CSMD1: variants seen among roughly 807,000 people sequenced by gnomAD.
CSMD1 encodes CUB and sushi domain-containing protein 1.
CSMD1 carries 213 observed loss-of-function variants against 417.5 expected under a neutral mutation model. The observed-to-expected ratio is 0.51, with a 90% CI of 0.46 to 0.57. The LOEUF is 0.57. CSMD1 is among the 20% of genes least tolerant of loss of function. CSMD1 has a pLI of 0.00. For missense variants in CSMD1, 6,923 were observed against 4,529.7 expected, an observed-to-expected ratio of 1.53 and a Z score of -15.17; for synonymous variants, 2,862 against 1,736.8, an observed-to-expected ratio of 1.65 and a Z score of -16.11.
At chr8:3,383,196 G>A (rs1810750308) in intron 18 of CSMD1, among the ~76,000 whole-genome samples, 1 of 152,178 alleles carries the variant, frequency 6.6e-6, no homozygotes, top group African/African-American at 2.4e-5. Flanking sequence ...TATAGATCAT[G>A]GTGATGCTTT....
At chr8:3,106,916 T>C (rs1220575683) in intron 45 of CSMD1, 2 of 302,554 alleles carry the variant, frequency 6.6e-6, no homozygotes, top group African/African-American at 2.2e-5. Flanking sequence ...CCTTCCCCAG[T>C]GATTGCTGAC....
intron 2 of CSMD1, among the ~76,000 whole-genome samples, chr8:4,464,376 G>A (rs1053432512): frequency 1.3e-5 from 2 of 152,186 alleles, no homozygotes; most frequent in East Asian, 1.9e-4. Flanking sequence ...TGATGAAAAT[G>A]CATTTAATAT....
intron 3 of CSMD1, among the ~76,000 whole-genome samples, chr8:4,108,925 T>A (rs1306332870): frequency 6.6e-6 from 1 of 152,152 alleles, no homozygotes; most frequent in Non-Finnish European, 1.5e-5. Flanking sequence ...TGACAAAAAA[T>A]TCCATCGCCT....
chr8:3,631,300 G>A (rs1027203502), intron 7 of CSMD1, among the ~76,000 whole-genome samples: 7 of 152,106 alleles, frequency 4.6e-5, no homozygotes, highest in Non-Finnish European at 1.0e-4. Context: ...TGGTAGCAGC[G>A]GATTTTCTGT....
chr8:4,743,675 G>C (rs1457465507), intron 1 of CSMD1, among the ~76,000 whole-genome samples: 1 of 152,160 alleles, frequency 6.6e-6, no homozygotes, highest in African/African-American at 2.4e-5. Context: ...TAGTTAATTT[G>C]AGTCAAAGCT....
intron 3 of CSMD1, among the ~76,000 whole-genome samples, chr8:4,187,545 C>G (rs1700090): frequency 0.98 from 149,497 of 152,142 alleles, 73,503 homozygotes; most frequent in Middle Eastern, 1. Flanking sequence ...TTGGGAGACT[C>G]AGGTAGGAGA....
chr8:3,082,372 C>T (rs536698475), intron 49 of CSMD1, among the ~76,000 whole-genome samples: 131 of 152,302 alleles, frequency 8.6e-4, no homozygotes, highest in African/African-American at 3.1e-3. Flanking sequence ...GCTGCTCCTG[C>T]CAGCTTCTCC....
At chr8:4,568,036 T>G (rs1212404862) in intron 2 of CSMD1, among the ~76,000 whole-genome samples, 1 of 152,208 alleles carries the variant, frequency 6.6e-6, no homozygotes, top group East Asian at 1.9e-4. Flanking sequence ...AAAATGTGCT[T>G]ATTGCATGTG....
chr8:3,421,852 G>C (rs1813507579), intron 12 of CSMD1, among the ~76,000 whole-genome samples: 1 of 152,176 alleles, frequency 6.6e-6, no homozygotes, highest in Non-Finnish European at 1.5e-5. Context: ...TGGTCAATCT[G>C]GTTTCTAACT....
intron 3 of CSMD1, among the ~76,000 whole-genome samples, chr8:4,138,399 C>T (rs73176382): frequency 0.3 from 44,784 of 151,362 alleles, 8,083 homozygotes; most frequent in Non-Finnish European, 0.39. Context: ...TGCCTCCTTA[C>T]GTCCAGTTCT....
chr8:3,692,629 C>T (rs1390758022), intron 7 of CSMD1, among the ~76,000 whole-genome samples: 2 of 152,030 alleles, frequency 1.3e-5, no homozygotes, highest in Non-Finnish European at 2.9e-5. Flanking sequence ...GGTGGGGTTT[C>T]ACCATGTTGG....
At chr8:3,332,315 T>C (rs1055206607) in intron 23 of CSMD1, among the ~76,000 whole-genome samples, 1 of 152,368 alleles carries the variant, frequency 6.6e-6, no homozygotes. Context: ...TGTAAGCTTT[T>C]CCTAGCAGAG....
chr8:4,281,675 C>A (rs577122741), intron 3 of CSMD1, among the ~76,000 whole-genome samples: 1 of 152,062 alleles, frequency 6.6e-6, no homozygotes, highest in Admixed American at 6.6e-5. Flanking sequence ...ATAGTAACAT[C>A]TGTATGTGAT....
At chr8:3,098,117 C>G (rs567980194) in intron 46 of CSMD1, among the ~76,000 whole-genome samples, 1 of 152,188 alleles carries the variant, frequency 6.6e-6, no homozygotes, top group East Asian at 1.9e-4. Context: ...GTGTATAAAA[C>G]TATTAAGGGA....
chr8:3,363,857 T>G (rs988849741), intron 20 of CSMD1, among the ~76,000 whole-genome samples: 5 of 152,152 alleles, frequency 3.3e-5, no homozygotes, highest in African/African-American at 1.2e-4. Context: ...TGCACATAGT[T>G]AGCAACTAGT....
At chr8:4,948,706 G>C (rs147181486) in intron 1 of CSMD1, among the ~76,000 whole-genome samples, 200 of 152,088 alleles carry the variant, frequency 1.3e-3, no homozygotes, top group African/African-American at 4.4e-3. Flanking sequence ...ATAATCTTTT[G>C]AATTTTCTAT....
At chr8:4,219,776 T>A (rs1039461647) in intron 3 of CSMD1, among the ~76,000 whole-genome samples, 1 of 152,320 alleles carries the variant, frequency 6.6e-6, no homozygotes, top group African/African-American at 2.4e-5. Flanking sequence ...ATTTTTAATG[T>A]CACCAGATAG....
Position 4,726,647 on chromosome 8 carries a change from C to T in CSMD1, c.86-89089G>A, listed in dbSNP as rs1809475762. On this transcript the variant is annotated intron_variant, in intron 1 of 69. Coordinates refer to ENST00000635120, the MANE Select transcript of CSMD1 (RefSeq NM_033225.6). ...CCTGAATCATTATTTCAAGGTACTT[C>T]ATCATCCTCCCTCCTCTGTTGCTCT... Among the ~76,000 whole-genome samples the T allele has an allele frequency of 2.6e-5, 4 of 152,300 alleles. 1 individual carries two copies. Among genetic ancestry groups the T allele is most frequent in the Admixed American group, 2.0e-4 (3 of 15,300 alleles).
chr8:4,450,907 T>C (rs1310869757), intron 2 of CSMD1, among the ~76,000 whole-genome samples: 1 of 152,036 alleles, frequency 6.6e-6, no homozygotes, highest in Non-Finnish European at 1.5e-5. Flanking sequence ...AAAATTAAAA[T>C]TAAATCATGG....
Sources: allele counts gnomAD v4.1 joint callset (sites outside exome capture counted in the v4.1 genomes callset), GRCh38; gene constraint gnomAD v4.1.1; transcripts MANE v1.5; gene names NCBI Gene and HGNC (gene_info 2026-07-23, HGNC 2026-07-21).